The following TSHR variants were observed in gnomAD, a reference collection of about 807,000 sequenced individuals.
TSHR encodes the protein thyrotropin receptor.
In TSHR, 51 loss-of-function variants were observed where a neutral mutation model predicts 64.1. The ratio of observed to expected loss-of-function variants is 0.80; its 90% CI spans 0.64 to 1.01. TSHR has a LOEUF of 1.01. TSHR is among the 50% of genes least tolerant of loss of function. The pLI is 0.00. For synonymous variants in TSHR, 361 were observed against 361.9 expected (o/e 1.00, Z 0.03); for missense variants, 877 against 942.8 (o/e 0.93, Z 0.91).
intron 1 of TSHR, among the ~76,000 whole-genome samples, chr14:80,973,547 T>C (rs372639992): frequency 6.6e-6 from 1 of 151,974 alleles, no homozygotes; most frequent in African/African-American, 2.4e-5. Flanking sequence ...AGAGGAACAC[T>C]ATGCATTTAT....
intron 1 of TSHR, among the ~76,000 whole-genome samples, chr14:80,959,173 G>A (rs1392329348): frequency 6.6e-6 from 1 of 152,048 alleles, no homozygotes; most frequent in Non-Finnish European, 1.5e-5. Flanking sequence ...CTCCCCTCCA[G>A]AAGGGTATGA....
At chr14:81,099,927 TAG>T (rs1272056340) in intron 7 of TSHR, among the ~76,000 whole-genome samples, 3 of 152,100 alleles carry the variant, frequency 2.0e-5, no homozygotes, top group Admixed American at 6.5e-5. Flanking sequence ...AGTGTAGGTC[TAG>T]CAGCTTATTA....
chr14:80,982,571 G>A, intron 1 of TSHR: 1 of 1,005,150 alleles, frequency 9.9e-7, no homozygotes, highest in Non-Finnish European at 1.4e-6. Flanking sequence ...TCTGTGAGTA[G>A]GATAGTTAGA....
intron 3 of TSHR, among the ~76,000 whole-genome samples, chr14:81,070,339 G>T (rs1357625307): frequency 6.6e-6 from 1 of 151,976 alleles, no homozygotes; most frequent in East Asian, 1.9e-4. Flanking sequence ...AATTATAAAA[G>T]CCAGCAAGGC....
chr14:81,004,361 T>C (rs768624351), intron 1 of TSHR, among the ~76,000 whole-genome samples: 2 of 152,184 alleles, frequency 1.3e-5, no homozygotes, highest in Non-Finnish European at 2.9e-5. Context: ...ACTGAATATT[T>C]CTTAGACATG....
At chr14:80,982,625 A>G in intron 1 of TSHR, 1 of 1,089,118 alleles carries the variant, frequency 9.2e-7, no homozygotes, top group Non-Finnish European at 1.2e-6. Flanking sequence ...AAATAGGCCC[A>G]AGGACTGGTC....
At chr14:81,098,042 A>G (rs2140003083) in intron 7 of TSHR, among the ~76,000 whole-genome samples, 1 of 152,306 alleles carries the variant, frequency 6.6e-6, no homozygotes. Flanking sequence ...CTAACTTCTT[A>G]CAATCTTTCA....
At chr14:81,010,498 G>T (rs757589165) in intron 1 of TSHR, among the ~76,000 whole-genome samples, 2 of 151,264 alleles carry the variant, frequency 1.3e-5, no homozygotes, top group Non-Finnish European at 2.9e-5. Context: ...CTTTTTTAAT[G>T]AGCTTTTTAA....
chr14:81,087,785 T>A, intron 3 of TSHR, 169 bp from the exon 4 acceptor site: 1 of 686,384 alleles, frequency 1.5e-6, no homozygotes, highest in Non-Finnish European at 2.7e-6. Flanking sequence ...GAGACAGGAG[T>A]AGTTTGTCAT....
At chr14:81,051,624 A>AAATAGTTGTACTAATTCACATTTCCAC in intron 1 of TSHR, 2 of 152,210 alleles carry the variant, frequency 1.3e-5, no homozygotes, top group South Asian at 4.1e-4. Flanking sequence ...ACTTTTTCCA[A>AAATAGTTGTACTAATTCACATTTCCAC]AATAGTTGTA....
chr14:80,958,629 G>A lies in TSHR; in HGVS notation c.170+2779G>A, dbSNP rs74064771. 6.2e-3 allele frequency among the ~76,000 whole-genome samples: 944 copies of A among 152,228 alleles called. 16 individuals are homozygous for A. Among genetic ancestry groups the A allele is most frequent in the African/African-American group, 0.022 (914 of 41,548 alleles). On this transcript the variant is annotated intron_variant, in intron 1 of 9. Coordinates refer to ENST00000298171, the MANE Select transcript of TSHR (RefSeq NM_000369.5). ...AGGCAAGGAGGACAAGAAAGACTAA[G>A]TTAGTCTTTCTTGACAAGAAAATCT...
At position 81,091,259 on chromosome 14, in the gene TSHR, A is replaced by C. The variant is rs916718530; in HGVS notation, c.467+116A>C. Reference sequence around the variant, plus strand: ...AAAGCAATTGTTTCAAGGAGTAAGCAATGATCAGGTGTGACTACACTGGCA... The same window carrying C: ...AAAGCAATTGTTTCAAGGAGTAAGCCATGATCAGGTGTGACTACACTGGCA... On this transcript the variant is annotated intron_variant, in intron 5 of 9. Transcript: ENST00000298171. 7.5e-6 allele frequency: 7 copies of C among 933,828 alleles called. No homozygotes were observed. In the African/African-American group the frequency reaches 9.7e-5, roughly 13 times the overall value. 57.8% of individuals were successfully genotyped at this position (933,828 alleles called of 1,614,324 possible).
intron 1 of TSHR, chr14:80,992,455 T>C (rs1392453597): frequency 6.6e-6 from 1 of 151,716 alleles, no homozygotes; most frequent in Admixed American, 6.6e-5. Context: ...CCTTCTTCTT[T>C]CCATTTTCAT....
chr14:81,028,468 A>G (rs1884183971), intron 1 of TSHR, among the ~76,000 whole-genome samples: 1 of 152,116 alleles, frequency 6.6e-6, no homozygotes, highest in African/African-American at 2.4e-5. Context: ...CTATCAAGAA[A>G]GGATCTCTGA....
intron 1 of TSHR, among the ~76,000 whole-genome samples, chr14:81,035,570 T>C (rs1259736749): frequency 1.3e-5 from 2 of 152,196 alleles, no homozygotes; most frequent in Non-Finnish European, 2.9e-5. Context: ...CTCTGAATAA[T>C]GGAAATTAGA....
intron 3 of TSHR, among the ~76,000 whole-genome samples, chr14:81,073,826 A>G (rs1887295014): frequency 6.6e-6 from 1 of 152,182 alleles, no homozygotes; most frequent in South Asian, 2.1e-4. Flanking sequence ...GAGGCCCAGG[A>G]AGGCTGAGGA....
Position 81,103,726 on chromosome 14 carries a change from G to T in TSHR, c.615-4649G>T. On this transcript the variant is annotated intron_variant, in intron 7 of 9. Transcript: ENST00000298171. This position sits in a 1 kb window ranked among gnomAD's most constrained non-coding sequence, Gnocchi z 4.1. ...TGAACTGTACTTGGTCACAAGTTAA[G>T]TCACACATTCATTGTTTGGAATTTC... The T allele has an allele frequency of 1.0e-6, 1 of 985,482 alleles. No homozygotes were observed. Among genetic ancestry groups the T allele is most frequent in the Non-Finnish European group, 1.2e-6 (1 of 829,942 alleles). 61.0% of individuals were successfully genotyped at this position (985,482 alleles called of 1,614,324 possible).
intron 8 of TSHR, among the ~76,000 whole-genome samples, chr14:81,115,641 C>G (rs1890466103): frequency 6.6e-6 from 1 of 151,952 alleles, no homozygotes; most frequent in African/African-American, 2.4e-5. Flanking sequence ...CCCAATATAG[C>G]AAGGCAGGCC....
rs373536388 is a variant in TSHR at position 81,143,802 on chromosome 14, T to C, written c.1744T>C (p.Tyr582His). 6.2e-6 allele frequency: 10 copies of C among 1,613,818 alleles called. No individual in the cohort carries two copies. Among genetic ancestry groups the C allele is most frequent in the Non-Finnish European group, 8.5e-6 (10 of 1,180,024 alleles). The change falls in exon 10 of 10, where the codon TAT (tyrosine) becomes CAT (histidine). Residue 582 changes from tyrosine (Y) to histidine (H), a missense_variant. Tyr to His is a moderately conservative substitution (Grantham distance 83). Coordinates refer to ENST00000298171, the MANE Select transcript of TSHR (RefSeq NM_000369.5). Reference sequence around the variant, plus strand: ...CACCGAGACCCCTCTTGCTCTGGCATATATTGTTTTTGTTCTGACGCTCAA... The same window carrying C: ...CACCGAGACCCCTCTTGCTCTGGCACATATTGTTTTTGTTCTGACGCTCAA... ...MDTETPLALAYIVFVLTLNIV... is the reference protein window; with the variant it reads ...MDTETPLALAHIVFVLTLNIV...
Sources: allele counts gnomAD v4.1 joint callset (sites outside exome capture counted in the v4.1 genomes callset), GRCh38; gene constraint gnomAD v4.1.1; non-coding constraint Gnocchi (gnomAD v3.1); transcripts MANE v1.5; gene names NCBI Gene and HGNC (gene_info 2026-07-23, HGNC 2026-07-21).